The following TRAK1 variants were observed in gnomAD, a reference collection of about 807,000 sequenced individuals.
The protein encoded by TRAK1 is trafficking kinesin-binding protein 1.
TRAK1 carries 33 observed loss-of-function variants against 92.1 expected under a neutral mutation model. That is an observed-to-expected ratio of 0.36 (90% CI 0.27 to 0.48). TRAK1 has a LOEUF of 0.48. Among genes scored for constraint, TRAK1 ranks in the 20% least tolerant of loss-of-function variants. TRAK1 has a pLI of 0.99. For synonymous variants in TRAK1, 521 were observed against 517.3 expected, an observed-to-expected ratio of 1.01 and a Z score of -0.10; for missense variants, 1,123 against 1,257.9, an observed-to-expected ratio of 0.89 and a Z score of 1.62.
chr3:42,045,259 G>A (rs114978877), intron 1 of TRAK1, among the ~76,000 whole-genome samples: 12,890 of 152,214 alleles, frequency 0.085, 611 homozygotes, highest in Non-Finnish European at 0.11. Flanking sequence ...CCCAGGCCGG[G>A]CATGGTGACT....
rs372420904 is a variant in TRAK1, at chr3:42,188,981, G to A, written c.582-35G>A. 6.6e-5 allele frequency: 98 copies of A among 1,493,082 alleles called. 1 individual carries two copies. The highest frequency in any genetic ancestry group is 6.1e-4 in the South Asian group (54 of 87,910). 92.5% of individuals were successfully genotyped at this position (1,493,082 alleles called of 1,614,324 possible). A position where few individuals can be genotyped will look rare whatever the true frequency, so the allele number is the denominator to read the frequency against. Reference sequence around the variant, plus strand: ...TTTGCCAGGTGGTGGGAGGAAATGCGTCTCCCTAGGTTGTGAGCGTACTTT... The same window carrying A: ...TTTGCCAGGTGGTGGGAGGAAATGCATCTCCCTAGGTTGTGAGCGTACTTT... On this transcript the variant is annotated intron_variant, in intron 5 of 15. Transcript: ENST00000327628.
chr3:42,041,597 C>CT (rs61237103), intron 1 of TRAK1, among the ~76,000 whole-genome samples: 113 of 141,322 alleles, frequency 8.0e-4, no homozygotes, highest in South Asian at 4.3e-3. Context: ...TATGAGGGCC[C>CT]TTTTTTTTTT....
At chr3:42,200,563 C>A (rs910564977) in intron 11 of TRAK1, among the ~76,000 whole-genome samples, 8 of 152,172 alleles carry the variant, frequency 5.3e-5, no homozygotes, top group African/African-American at 1.9e-4. Context: ...CAATTTCACT[C>A]TTGCTGGCAT....
intron 2 of TRAK1, chr3:42,149,097 G>A (rs1699650950): frequency 7.9e-6 from 6 of 761,810 alleles, no homozygotes; most frequent in Admixed American, 6.2e-5. Context: ...TTTCAGAGCC[G>A]GCCAGTTTCT....
rs766797323 is a variant in TRAK1 at position 42,209,816 on chromosome 3, G to A, written c.1794G>A (p.Gly598=). Residue 598 remains glycine, a synonymous_variant, in exon 14 of 16, where the codon GGG becomes GGA. Coordinates refer to ENST00000327628, the MANE Select transcript of TRAK1 (RefSeq NM_001042646.3). ...AGCAGTTGGCCCAACCTCACCTTGG[G>A]GGCATCCTGGACCCCCGGCCCGGTG... ...HWQQLAQPHL[G]GILDPRPGVV... 5 of 1,614,136 alleles carry A rather than the reference G, an allele frequency of 3.1e-6. No individual in the cohort carries two copies. In the African/African-American group the frequency reaches 4.0e-5, roughly 13 times the overall value.
chr3:42,125,669 G>A (rs1480443908), intron 2 of TRAK1, 55 bp downstream of exon 2: 1 of 1,578,648 alleles, frequency 6.3e-7, no homozygotes, highest in Non-Finnish European at 8.7e-7. Flanking sequence ...GGTCTTCTTA[G>A]CCATGGCCCC....
At chr3:42,040,348 G>A (rs1702485898) in intron 1 of TRAK1, among the ~76,000 whole-genome samples, 1 of 152,088 alleles carries the variant, frequency 6.6e-6, no homozygotes, top group Admixed American at 6.6e-5. Context: ...CTAACTCATA[G>A]GCATTTTGCC....
chr3:42,020,350 A>G (rs1701680451), intron 1 of TRAK1, among the ~76,000 whole-genome samples: 1 of 152,178 alleles, frequency 6.6e-6, no homozygotes, highest in Non-Finnish European at 1.5e-5. Flanking sequence ...TGTGACCTCT[A>G]TTACCATAGG....
intron 14 of TRAK1, chr3:42,212,604 A>G: frequency 1.1e-6 from 1 of 931,862 alleles, no homozygotes; most frequent in Non-Finnish European, 1.3e-6. Flanking sequence ...AGATGATTAA[A>G]ATGGATTGTT....
chr3:42,026,650 G>A (rs549874347), intron 1 of TRAK1, among the ~76,000 whole-genome samples: 1 of 151,110 alleles, frequency 6.6e-6, no homozygotes, highest in Admixed American at 6.6e-5. Context: ...TCAGCCTCCC[G>A]AGTAGCTGAG....
intron 2 of TRAK1, among the ~76,000 whole-genome samples, chr3:42,167,777 G>A (rs1702054949): frequency 6.6e-6 from 1 of 152,186 alleles, no homozygotes; most frequent in African/African-American, 2.4e-5. Flanking sequence ...CTACTCGGGA[G>A]GCTGAGGCAG....
chr3:42,212,560 G>T, intron 14 of TRAK1: 4 of 975,758 alleles, frequency 4.1e-6, no homozygotes, highest in Non-Finnish European at 4.9e-6. Flanking sequence ...GTCTTAAAAA[G>T]GATGAATCCA....
intron 2 of TRAK1, among the ~76,000 whole-genome samples, chr3:42,153,944 T>C (rs1378204777): frequency 6.6e-6 from 1 of 152,154 alleles, no homozygotes; most frequent in African/African-American, 2.4e-5. Context: ...CACAGCACTC[T>C]CCTCTGTGGT....
intron 2 of TRAK1, among the ~76,000 whole-genome samples, chr3:42,126,539 T>C (rs1321135248): frequency 6.6e-6 from 1 of 152,210 alleles, no homozygotes; most frequent in Non-Finnish European, 1.5e-5. Context: ...ATGAATACTT[T>C]ATGATTCTGG....
chr3:42,093,946 C>T (rs892310178), intron 1 of TRAK1, among the ~76,000 whole-genome samples: 8 of 151,864 alleles, frequency 5.3e-5, no homozygotes, highest in Non-Finnish European at 8.8e-5. Flanking sequence ...TCAGGCAGTC[C>T]GCCTGCCTAG....
At chr3:42,043,563 G>A (rs1702633824) in intron 1 of TRAK1, among the ~76,000 whole-genome samples, 1 of 150,440 alleles carries the variant, frequency 6.6e-6, no homozygotes, top group African/African-American at 2.4e-5. Flanking sequence ...TTGGCTTTTC[G>A]CCAGTGTGTT....
At chr3:42,153,780 A>G (rs959392843) in intron 2 of TRAK1, among the ~76,000 whole-genome samples, 3 of 152,036 alleles carry the variant, frequency 2.0e-5, no homozygotes, top group African/African-American at 7.2e-5. Context: ...AAGTTTTGTT[A>G]GAGGTATTTT....
At chr3:42,074,642 A>G (rs1359911955) in intron 1 of TRAK1, among the ~76,000 whole-genome samples, 2 of 151,964 alleles carry the variant, frequency 1.3e-5, no homozygotes, top group Non-Finnish European at 2.9e-5. Flanking sequence ...TCAGCAGCAA[A>G]ATGCTTATGA....
rs377543718 is a variant in TRAK1 at position 42,094,012 on chromosome 3, C to G, written c.91+2452C>G. 2.6e-5 allele frequency among the ~76,000 whole-genome samples: 4 copies of G among 151,780 alleles called. No homozygotes were observed. In the East Asian group the frequency reaches 7.8e-4, roughly 30 times the overall value. ...AGCCGCCGTGCCTGGCCGAAACAAG[C>G]TTTTCATGTATATAATGTATCAATC... is the stretch of plus-strand genomic sequence containing the variant. On this transcript the variant is annotated intron_variant, in intron 1 of 15. Transcript: ENST00000327628.
Sources: allele counts gnomAD v4.1 joint callset (sites outside exome capture counted in the v4.1 genomes callset), GRCh38; gene constraint gnomAD v4.1.1; transcripts MANE v1.5; gene names NCBI Gene and HGNC (gene_info 2026-07-23, HGNC 2026-07-21).